Variants in ENPP6 observed in about 807,000 individuals in gnomAD.
ENPP6 encodes the protein ectonucleotide pyrophosphatase/phosphodiesterase 6, also known as glycerophosphocholine cholinephosphodiesterase ENPP6.
ENPP6 carries 32 observed loss-of-function variants against 42.0 expected under a neutral mutation model. The observed-to-expected ratio is 0.76, with a 90% CI of 0.58 to 1.02. The LOEUF (loss-of-function observed/expected upper bound fraction) is 1.02. Ranked by LOEUF, ENPP6 falls within the 50% of genes least tolerant of loss-of-function variation. The pLI, the probability that ENPP6 is intolerant of heterozygous loss-of-function variation, is 0.00. For synonymous variants in ENPP6, 213 were observed against 216.0 expected (o/e 0.99, Z 0.12); for missense variants, 552 against 566.8 (o/e 0.97, Z 0.27).
Position 184,136,513 on chromosome 4 carries a change from C to A in ENPP6, c.422-12241G>T, listed in dbSNP as rs11938740. On this transcript the variant is annotated intron_variant, in intron 2 of 7. Coordinates refer to ENST00000296741, the MANE Select transcript of ENPP6 (RefSeq NM_153343.4). ...TAAAGAAGTTAATATTTCCTTTACT[C>A]TAGCTGGCAATGAGTTCTCTCAGTT... Among the ~76,000 whole-genome samples the A allele has an allele frequency of 2.9e-3, 448 of 152,274 alleles. 1 individual carries two copies. Among genetic ancestry groups the A allele is most frequent in the African/African-American group, 1.0e-2 (415 of 41,578 alleles).
At chr4:184,175,353 A>G (rs372425962) in intron 1 of ENPP6, among the ~76,000 whole-genome samples, 16 of 152,290 alleles carry the variant, frequency 1.1e-4, no homozygotes, top group African/African-American at 3.6e-4. Flanking sequence ...TCTTAGAGGG[A>G]TGATTAGACA....
chr4:184,182,568 C>T (rs769688058), intron 1 of ENPP6, among the ~76,000 whole-genome samples: 3 of 151,726 alleles, frequency 2.0e-5, no homozygotes, highest in Admixed American at 6.6e-5. Context: ...TACAGATGTT[C>T]GTTGCATTAT....
intron 1 of ENPP6, among the ~76,000 whole-genome samples, chr4:184,165,944 A>C (rs1737341777): frequency 6.6e-6 from 1 of 152,238 alleles, no homozygotes; most frequent in Non-Finnish European, 1.5e-5. Context: ...GGAGGTGTAA[A>C]GATTAGTTTA....
At chr4:184,096,143 C>T (rs1735898068) in intron 7 of ENPP6, among the ~76,000 whole-genome samples, 1 of 152,152 alleles carries the variant, frequency 6.6e-6, no homozygotes, top group Admixed American at 6.6e-5. Flanking sequence ...AGCTCAGGCA[C>T]CCACGGAGGT....
rs58927070 is a variant in ENPP6, at chr4:184,131,520, A to ATT, written c.422-7250_422-7249dup. 7.8e-3 allele frequency among the ~76,000 whole-genome samples: 1,062 copies of ATT among 136,714 alleles called. 23 individuals are homozygous for ATT. Among genetic ancestry groups the ATT allele is most frequent in the African/African-American group, 0.027 (968 of 35,564 alleles). The allele number at this position is 136,714 out of a possible 152,430, so 89.7% of individuals were successfully genotyped here. On this transcript the variant is annotated intron_variant, in intron 2 of 7. Coordinates refer to ENST00000296741, the MANE Select transcript of ENPP6 (RefSeq NM_153343.4). ...AGGCACCCATCACCATGCCCAGCTA[A>ATT]TTTTTTTTTTTTTTTGTATTTTTAG...
chr4:184,198,927 C>T (rs1732845877), intron 1 of ENPP6, among the ~76,000 whole-genome samples: 1 of 152,150 alleles, frequency 6.6e-6, no homozygotes, highest in Non-Finnish European at 1.5e-5. Flanking sequence ...GGTATGTTTT[C>T]CCTCCAACTG....
intron 6 of ENPP6, among the ~76,000 whole-genome samples, chr4:184,111,839 C>T (rs763321580): frequency 6.6e-6 from 1 of 152,210 alleles, no homozygotes; most frequent in Non-Finnish European, 1.5e-5. Context: ...TGCTGATCAT[C>T]GCCTGTCCTC....
intron 1 of ENPP6, among the ~76,000 whole-genome samples, 191 bp downstream of exon 1, chr4:184,217,388 T>C (rs898332531): frequency 6.6e-6 from 1 of 152,200 alleles, no homozygotes; most frequent in East Asian, 1.9e-4. Context: ...GGGATAACTT[T>C]TGGGAAACAA....
chr4:184,216,374 A>G (rs1300164295), intron 1 of ENPP6, among the ~76,000 whole-genome samples: 1 of 151,974 alleles, frequency 6.6e-6, no homozygotes, highest in Admixed American at 6.6e-5. Context: ...TCTCTCTCTC[A>G]TGCCCTCATT....
In ENPP6 at chr4:184,117,864, C is replaced by T. The variant is rs559930706; in HGVS notation, c.570G>A (p.Glu190=). 13 of 1,614,240 alleles carry T rather than the reference C, an allele frequency of 8.1e-6. No individual in the cohort carries two copies. Among genetic ancestry groups the T allele is most frequent in the Middle Eastern group, 1.6e-4 (1 of 6,062 alleles). Reference sequence around the variant, plus strand: ...AGTGGTGGCCTTCCACGTCAATGCGCTCATGGTATATGGCTGCCAGGTCGG... The same window carrying T: ...AGTGGTGGCCTTCCACGTCAATGCGTTCATGGTATATGGCTGCCAGGTCGG... ...GRADLAAIYH[E]RIDVEGHHYG... The change falls in exon 4 of 8, where the codon GAG becomes GAA. Residue 190 remains glutamate, a synonymous_variant. Transcript: ENST00000296741.
intron 1 of ENPP6, among the ~76,000 whole-genome samples, chr4:184,199,650 G>T (rs549691115): frequency 1.4e-4 from 22 of 152,310 alleles, no homozygotes; most frequent in Non-Finnish European, 2.5e-4. Flanking sequence ...GACATCCACA[G>T]ACACAGGACT....
At chr4:184,121,973 A>G (rs1197773774) in intron 3 of ENPP6, among the ~76,000 whole-genome samples, 1 of 152,132 alleles carries the variant, frequency 6.6e-6, no homozygotes, top group Non-Finnish European at 1.5e-5. Flanking sequence ...AAGTCATCTC[A>G]CTGTCTTCCA....
At chr4:184,203,224 C>T (rs1470210663) in intron 1 of ENPP6, among the ~76,000 whole-genome samples, 1 of 152,200 alleles carries the variant, frequency 6.6e-6, no homozygotes, top group African/African-American at 2.4e-5. Context: ...GCACTCCAGC[C>T]TGGATGATAG....
chr4:184,107,774 G>A (rs1177030495), intron 6 of ENPP6, among the ~76,000 whole-genome samples: 2 of 152,080 alleles, frequency 1.3e-5, no homozygotes, highest in Non-Finnish European at 2.9e-5. Context: ...AATTAGCCGG[G>A]CGTGGTGGCG....
At chr4:184,154,600 C>T (rs142357885) in intron 1 of ENPP6, among the ~76,000 whole-genome samples, 38 of 152,170 alleles carry the variant, frequency 2.5e-4, no homozygotes, top group African/African-American at 8.4e-4. Flanking sequence ...CTCCCCACCC[C>T]TCCCAAAATT....
chr4:184,178,547 A>G (rs1041913549), intron 1 of ENPP6, among the ~76,000 whole-genome samples: 7 of 152,188 alleles, frequency 4.6e-5, no homozygotes, highest in African/African-American at 1.7e-4. Context: ...CCATGAGAAG[A>G]TCAACCAACC....
At chr4:184,145,854 G>A (rs1254035237) in intron 2 of ENPP6, among the ~76,000 whole-genome samples, 1 of 152,116 alleles carries the variant, frequency 6.6e-6, no homozygotes, top group Non-Finnish European at 1.5e-5. Context: ...AACCCATAGG[G>A]GCCAGTGACT....
At chr4:184,115,143 C>A (rs1236972540) in intron 5 of ENPP6, among the ~76,000 whole-genome samples, 2 of 152,228 alleles carry the variant, frequency 1.3e-5, no homozygotes, top group Non-Finnish European at 2.9e-5. Flanking sequence ...GTGCTTCATC[C>A]TTACTAATGA....
chr4:184,112,406 G>A lies in ENPP6; in HGVS notation c.993+266C>T, dbSNP rs116131963. 4.2e-3 allele frequency among the ~76,000 whole-genome samples: 646 copies of A among 152,292 alleles called. 8 individuals are homozygous for A. Among genetic ancestry groups the A allele is most frequent in the African/African-American group, 0.014 (580 of 41,548 alleles). ...AAGCGAACAGGTTACATTGTAAGCC[G>A]GGTAATCGAGTTAATGCCCGTTTGT... On this transcript the variant is annotated intron_variant, in intron 6 of 7. Transcript: ENST00000296741.
Sources: gnomAD v4.1 joint callset for allele counts (sites outside exome capture counted in the v4.1 genomes callset) on GRCh38, gnomAD v4.1.1 for gene constraint, MANE v1.5 for transcripts, NCBI Gene and HGNC (gene_info 2026-07-23, HGNC 2026-07-21) for gene names.